ASTN2: variants seen among roughly 807,000 people sequenced by gnomAD.
ASTN2 encodes astrotactin-2.
A neutral mutation model predicts 139.8 loss-of-function variants in ASTN2; 54 were observed. That is an observed-to-expected ratio of 0.39 (90% CI 0.31 to 0.48). The LOEUF (loss-of-function observed/expected upper bound fraction) is 0.48, where lower values mean the gene tolerates loss of function less well. ASTN2 is among the 20% of genes least tolerant of loss of function. The probability of loss-of-function intolerance (pLI) is 0.95; values close to 1 mark genes in which losing one functional copy is unlikely to be tolerated. For synonymous variants in ASTN2, 756 were observed against 719.5 expected (o/e 1.05, Z -0.81); for missense variants, 1,565 against 1,725.1 (o/e 0.91, Z 1.64).
At chr9:117,347,913 C>T (rs1256363952) in intron 1 of ASTN2, among the ~76,000 whole-genome samples, 1 of 152,142 alleles carries the variant, frequency 6.6e-6, no homozygotes, top group African/African-American at 2.4e-5. Flanking sequence ...ACTAACATGG[C>T]ATATTAATTT....
intron 17 of ASTN2, among the ~76,000 whole-genome samples, chr9:116,632,196 G>A (rs916111451): frequency 9.2e-5 from 2 of 21,774 alleles, no homozygotes; most frequent in African/African-American, 3.6e-4. Context: ...GAGAGAGAGA[G>A]AAAGAAAGAA....
chr9:116,979,793 G>C (rs1329104634), intron 7 of ASTN2, among the ~76,000 whole-genome samples: 1 of 152,062 alleles, frequency 6.6e-6, no homozygotes, highest in African/African-American at 2.4e-5. Flanking sequence ...AAAGGGCAAA[G>C]GCTGAGGTCC....
chr9:117,365,313 AAAAG>A lies in ASTN2; in HGVS notation c.442+49180_442+49183del, dbSNP rs199655241. ...AAATAGAAAGAAAAAGAAAGAAAGA[AAAAG>A]AAAGAAAGAAAGAAAGAAAGAGAGA... On this transcript the variant is annotated intron_variant, in intron 1 of 22. Transcript: ENST00000313400. Among the ~76,000 whole-genome samples, 802 of 148,140 alleles carry A rather than the reference AAAAG, an allele frequency of 5.4e-3. 2 individuals are homozygous for A. The highest frequency in any genetic ancestry group is 0.014 in the African/African-American group (553 of 39,186).
Position 116,729,104 on chromosome 9 carries a change from A to G in ASTN2, c.2522-8T>C, listed in dbSNP as rs770477126. On this transcript the variant is annotated splice_region_variant and splice_polypyrimidine_tract_variant and intron_variant, in intron 14 of 22. Coordinates refer to ENST00000313400, the MANE Select transcript of ASTN2 (RefSeq NM_001365068.1). The stretch of plus-strand genomic sequence containing the variant: ...CATCATACCTGATATCTCCTGGGAG[A>G]GAAAATAAGATGGTCACGTGAGCCC... 5 of 1,568,730 alleles carry G rather than the reference A, an allele frequency of 3.2e-6. No individual in the cohort carries two copies. The highest frequency in any genetic ancestry group is 4.3e-6 in the Non-Finnish European group (5 of 1,154,668).
At position 116,773,210 on chromosome 9, in the gene ASTN2, A is replaced by G. The variant is rs189590888; in HGVS notation, c.2396+32422T>C. On this transcript the variant is annotated intron_variant, in intron 13 of 22. Coordinates refer to ENST00000313400, the MANE Select transcript of ASTN2 (RefSeq NM_001365068.1). ...AAATTTTTGCCCCTTTTCTGGGGCC[A>G]TTAGCCTTTAGCACATGCTTGATTC... 2.3e-3 allele frequency among the ~76,000 whole-genome samples: 343 copies of G among 152,036 alleles called. 2 individuals are homozygous for G. Among genetic ancestry groups the G allele is most frequent in the African/African-American group, 5.6e-3 (231 of 41,490 alleles).
intron 19 of ASTN2, among the ~76,000 whole-genome samples, chr9:116,530,141 ATATATATAT>A (rs1851276667): frequency 1.8e-4 from 5 of 27,242 alleles, no homozygotes; most frequent in Non-Finnish European, 3.0e-4. Flanking sequence ...ATATATATAT[ATATATATAT>A]AAAATAGAAT....
chr9:117,309,333 G>A (rs1399796850), intron 1 of ASTN2, among the ~76,000 whole-genome samples: 1 of 152,204 alleles, frequency 6.6e-6, no homozygotes, highest in Non-Finnish European at 1.5e-5. Context: ...AGCAGAGCTA[G>A]ATAGACCTTA....
chr9:116,943,110 G>C (rs181093855), intron 10 of ASTN2, among the ~76,000 whole-genome samples: 1 of 152,106 alleles, frequency 6.6e-6, no homozygotes, highest in Non-Finnish European at 1.5e-5. Flanking sequence ...TATAGACCGG[G>C]GATAAAAAGA....
chr9:117,276,130 T>A (rs2133133669), intron 2 of ASTN2, among the ~76,000 whole-genome samples: 1 of 152,292 alleles, frequency 6.6e-6, no homozygotes, highest in East Asian at 1.9e-4. Context: ...CAGCTACAAT[T>A]TATTGAGAAA....
intron 13 of ASTN2, among the ~76,000 whole-genome samples, chr9:116,781,365 C>T (rs141091918): frequency 2.3e-3 from 350 of 152,224 alleles, no homozygotes; most frequent in African/African-American, 7.8e-3. Flanking sequence ...TGAATTCAAG[C>T]GCTAGTGGTG....
At chr9:116,682,556 G>A (rs1859949955) in intron 16 of ASTN2, among the ~76,000 whole-genome samples, 1 of 152,148 alleles carries the variant, frequency 6.6e-6, no homozygotes, top group South Asian at 2.1e-4. Context: ...AAATCATGCT[G>A]CTATAAAGAC....
chr9:117,276,583 C>CTGT (rs1834194969), intron 2 of ASTN2, among the ~76,000 whole-genome samples: 2 of 152,134 alleles, frequency 1.3e-5, no homozygotes, highest in Non-Finnish European at 1.5e-5. Context: ...AACATCAGGA[C>CTGT]ACATAAGGAC....
intron 1 of ASTN2, among the ~76,000 whole-genome samples, chr9:117,380,974 T>C (rs1830255882): frequency 6.6e-6 from 1 of 152,210 alleles, no homozygotes; most frequent in Admixed American, 6.5e-5. Context: ...GAGGCATTAT[T>C]CACGATAACC....
rs10593705 is a variant in ASTN2, at chr9:117,232,888, ATTT to A, written c.631-18149_631-18147del. On this transcript the variant is annotated intron_variant, in intron 2 of 22. Coordinates refer to ENST00000313400, the MANE Select transcript of ASTN2 (RefSeq NM_001365068.1). ...TTCACTGCAATGCAACTAGGTACAGATTTTTTTTTTTTTCCTTTTTGTTCCTCA... is the reference window on the plus strand; with the variant it reads ...TTCACTGCAATGCAACTAGGTACAGATTTTTTTTTTCCTTTTTGTTCCTCA... Among the ~76,000 whole-genome samples, 574 of 147,838 alleles carry A rather than the reference ATTT, an allele frequency of 3.9e-3. 7 individuals are homozygous for A. The East Asian group carries it at 0.055, about 14-fold the overall frequency.
chr9:117,408,592 C>G (rs1831073739), intron 1 of ASTN2, among the ~76,000 whole-genome samples: 1 of 152,202 alleles, frequency 6.6e-6, no homozygotes, highest in Admixed American at 6.5e-5. Context: ...CTAGTCAATC[C>G]TCCTGCTGCA....
At chr9:116,803,522 A>ATATATT (rs1554748694) in intron 13 of ASTN2, among the ~76,000 whole-genome samples, 24 of 21,118 alleles carry the variant, frequency 1.1e-3, no homozygotes, top group Non-Finnish European at 1.7e-3. Flanking sequence ...ATATATATAT[A>ATATATT]TTTTTTTTTT....
At chr9:116,615,573 T>C (rs1209849579) in intron 19 of ASTN2, among the ~76,000 whole-genome samples, 2 of 152,032 alleles carry the variant, frequency 1.3e-5, no homozygotes, top group Admixed American at 1.3e-4. Context: ...ATGTCCTTTG[T>C]AGGGACATGG....
Position 116,425,735 on chromosome 9 carries a change from C to T in ASTN2, c.*116G>A, listed in dbSNP as rs1295475864. ...TTGCTTTGGCCTTGCTGGCAAGCTT[C>T]ATCTGCTAGGCCCATCCTCAGCTGT... On this transcript the variant is annotated 3_prime_UTR_variant, in exon 23 of 23. Transcript: ENST00000313400. The T allele has an allele frequency of 1.9e-6, 3 of 1,605,404 alleles. No homozygotes were observed. The highest frequency in any genetic ancestry group is 2.7e-5 in the African/African-American group (2 of 74,484).
chr9:116,512,130 G>T (rs1021188617), intron 19 of ASTN2, among the ~76,000 whole-genome samples: 2 of 152,092 alleles, frequency 1.3e-5, no homozygotes, highest in African/African-American at 4.8e-5. Flanking sequence ...GCTTTCTCTT[G>T]TGGGCATTTA....
Sources: allele counts gnomAD v4.1 joint callset (sites outside exome capture counted in the v4.1 genomes callset), GRCh38; gene constraint gnomAD v4.1.1; transcripts MANE v1.5; gene names NCBI Gene and HGNC (gene_info 2026-07-23, HGNC 2026-07-21).